The following HCRTR2 variants were observed in gnomAD, a reference collection of about 807,000 sequenced individuals.
HCRTR2 encodes hypocretin receptor 2, also known as orexin receptor type 2.
Under a neutral mutation model 49.0 loss-of-function variants are expected in HCRTR2, and 22 were observed. The ratio of observed to expected loss-of-function variants is 0.45; its 90% CI spans 0.32 to 0.64. HCRTR2 has a LOEUF of 0.64. Ranked by LOEUF, HCRTR2 falls within the 30% of genes least tolerant of loss-of-function variation. The pLI, the probability that HCRTR2 is intolerant of heterozygous loss-of-function variation, is 0.04. For synonymous variants in HCRTR2, 236 were observed against 205.3 expected, an observed-to-expected ratio of 1.15 and a Z score of -1.28; for missense variants, 491 against 559.4, an observed-to-expected ratio of 0.88 and a Z score of 1.23.
At chr6:55,140,446 T>A (rs1447428377) in intron 1 of HCRTR2, among the ~76,000 whole-genome samples, 1 of 152,160 alleles carries the variant, frequency 6.6e-6, no homozygotes, top group African/African-American at 2.4e-5. Context: ...TTCTGAGGGA[T>A]GACTCCACAA....
At chr6:55,185,741 A>T (rs1003064223) in intron 1 of HCRTR2, among the ~76,000 whole-genome samples, 1 of 152,258 alleles carries the variant, frequency 6.6e-6, no homozygotes, top group African/African-American at 2.4e-5. Context: ...TGATAAATAC[A>T]CTAAAGATGA....
intron 1 of HCRTR2, among the ~76,000 whole-genome samples, chr6:55,221,800 A>G (rs1285849615): frequency 2.1e-5 from 3 of 144,298 alleles, no homozygotes; most frequent in East Asian, 2.0e-4. Flanking sequence ...GGGACAGAGC[A>G]AGACTCCATC....
At chr6:55,261,587 C>T (rs1766757034) in intron 3 of HCRTR2, among the ~76,000 whole-genome samples, 1 of 151,888 alleles carries the variant, frequency 6.6e-6, no homozygotes. Flanking sequence ...TACCACCTTA[C>T]TCTTACAAGG....
chr6:55,250,237 T>A (rs1446027131), intron 2 of HCRTR2, among the ~76,000 whole-genome samples: 2 of 152,144 alleles, frequency 1.3e-5, no homozygotes, highest in Non-Finnish European at 2.9e-5. Flanking sequence ...CAGTAGCACA[T>A]TTTTTTGTGT....
At chr6:55,278,945 G>A (rs950938089) in intron 5 of HCRTR2, among the ~76,000 whole-genome samples, 3 of 151,514 alleles carry the variant, frequency 2.0e-5, no homozygotes, top group South Asian at 2.1e-4. Flanking sequence ...TCTGGGTTAC[G>A]TATTTGGATT....
rs11966406 is a variant in HCRTR2, at chr6:55,200,123, T to C, written c.223+25313T>C. 2.8e-3 allele frequency among the ~76,000 whole-genome samples: 431 copies of C among 152,328 alleles called. 4 individuals are homozygous for C. Among genetic ancestry groups the C allele is most frequent in the African/African-American group, 0.01 (417 of 41,570 alleles). Reference sequence around the variant, plus strand: ...AGATTAAAATCTGTATCACTAAAACTTTAAAAGAATTTATAGCCGAATCTA... The same window carrying C: ...AGATTAAAATCTGTATCACTAAAACCTTAAAAGAATTTATAGCCGAATCTA... On this transcript the variant is annotated intron_variant, in intron 1 of 6. Transcript: ENST00000370862.
intron 1 of HCRTR2, among the ~76,000 whole-genome samples, chr6:55,202,431 G>A (rs1365451404): frequency 6.6e-6 from 1 of 152,130 alleles, no homozygotes; most frequent in Non-Finnish European, 1.5e-5. Context: ...TCATTATCTT[G>A]TTTTATACAT....
At chr6:55,242,625 G>A (rs1353419019) in intron 1 of HCRTR2, among the ~76,000 whole-genome samples, 1 of 152,106 alleles carries the variant, frequency 6.6e-6, no homozygotes, top group Non-Finnish European at 1.5e-5. Context: ...AAATTTTATA[G>A]TCAATTATTA....
intron 1 of HCRTR2, among the ~76,000 whole-genome samples, chr6:55,184,739 A>T (rs1032894972): frequency 3.3e-5 from 5 of 152,218 alleles, no homozygotes; most frequent in Non-Finnish European, 5.9e-5. Flanking sequence ...CACAATGGAA[A>T]TACAACAATG....
intron 3 of HCRTR2, among the ~76,000 whole-genome samples, chr6:55,261,287 T>C (rs903757161): frequency 6.6e-6 from 1 of 151,864 alleles, no homozygotes; most frequent in African/African-American, 2.4e-5. Flanking sequence ...AGAACATGAA[T>C]AGACAATTCT....
chr6:55,174,857 C>G, intron 1 of HCRTR2, 47 bp downstream of exon 1: 1 of 1,501,486 alleles, frequency 6.7e-7, no homozygotes, highest in Non-Finnish European at 9.3e-7. Context: ...CACCCCCTCT[C>G]CGCCCCGGGC....
chr6:55,145,916 A>G (rs938060020), intron 1 of HCRTR2, among the ~76,000 whole-genome samples: 5 of 152,108 alleles, frequency 3.3e-5, no homozygotes, highest in Admixed American at 3.3e-4. Context: ...TATAAGTTGT[A>G]ATCCCTCAAC....
chr6:55,134,815 C>CT (rs1215404331), intron 1 of HCRTR2, among the ~76,000 whole-genome samples: 2 of 151,910 alleles, frequency 1.3e-5, no homozygotes, highest in Non-Finnish European at 2.9e-5. Flanking sequence ...GGATTTCCTT[C>CT]TTTTTTGTGA....
chr6:55,272,249 C>A (rs548944461), intron 4 of HCRTR2, among the ~76,000 whole-genome samples: 1 of 152,126 alleles, frequency 6.6e-6, no homozygotes, highest in South Asian at 2.1e-4. Flanking sequence ...GTGAAAGAAG[C>A]CAGGCACAGA....
upstream of HCRTR2, among the ~76,000 whole-genome samples, chr6:55,169,993 A>G (rs1272570910): frequency 6.6e-6 from 1 of 152,126 alleles, no homozygotes; most frequent in Non-Finnish European, 1.5e-5. Context: ...ATAAGAAAAT[A>G]TAATCTGGGA....
At chr6:55,224,780 C>A (rs558977405) in intron 1 of HCRTR2, among the ~76,000 whole-genome samples, 3 of 152,080 alleles carry the variant, frequency 2.0e-5, no homozygotes, top group Non-Finnish European at 4.4e-5. Context: ...TTAATGATCT[C>A]GCTTATATGT....
intron 1 of HCRTR2, among the ~76,000 whole-genome samples, chr6:55,167,671 T>G (rs1476316764): frequency 6.6e-6 from 1 of 152,112 alleles, no homozygotes; most frequent in Non-Finnish European, 1.5e-5. Flanking sequence ...TTGCTCCTAC[T>G]CTTTCCTTCC....
chr6:55,270,947 C>A (rs951806767), intron 4 of HCRTR2, among the ~76,000 whole-genome samples: 3 of 152,032 alleles, frequency 2.0e-5, no homozygotes, highest in African/African-American at 7.2e-5. Context: ...TTGGAAGATT[C>A]AATCTTGTTA....
chr6:55,224,032 G>A (rs1280685953), intron 1 of HCRTR2, among the ~76,000 whole-genome samples: 1 of 152,100 alleles, frequency 6.6e-6, no homozygotes. Flanking sequence ...TTTTTTCAAT[G>A]AGAGATTTTA....
Sources: gnomAD v4.1 joint callset for allele counts (sites outside exome capture counted in the v4.1 genomes callset) on GRCh38, gnomAD v4.1.1 for gene constraint, MANE v1.5 for transcripts, NCBI Gene and HGNC (gene_info 2026-07-23, HGNC 2026-07-21) for gene names.